The following SPATA13 variants were observed in gnomAD, a reference collection of about 807,000 sequenced individuals.
SPATA13 encodes the protein spermatogenesis associated 13, also known as spermatogenesis-associated protein 13.
Under a neutral mutation model 104.0 loss-of-function variants are expected in SPATA13, and 50 were observed. The ratio of observed to expected loss-of-function variants is 0.48; its 90% CI spans 0.38 to 0.61. The LOEUF is 0.61. Ranked by LOEUF, SPATA13 falls within the 20% of genes least tolerant of loss-of-function variation. The probability of loss-of-function intolerance (pLI) is 0.00; values close to 1 mark genes in which losing one functional copy is unlikely to be tolerated. For synonymous variants in SPATA13, 606 were observed against 667.5 expected, an observed-to-expected ratio of 0.91 and a Z score of 1.42; for missense variants, 1,524 against 1,690.6, an observed-to-expected ratio of 0.90 and a Z score of 1.73.
intron 3 of SPATA13, 189 bp from the exon 4 acceptor site, chr13:24,251,529 A>C: frequency 2.0e-6 from 2 of 985,438 alleles, no homozygotes; most frequent in Non-Finnish European, 2.4e-6. Context: ...TAAGCTGATC[A>C]GGATTGTTAA....
intron 1 of SPATA13, among the ~76,000 whole-genome samples, chr13:24,184,432 C>G (rs940802674): frequency 2.0e-5 from 3 of 152,214 alleles, no homozygotes; most frequent in Admixed American, 6.5e-5. Flanking sequence ...ATTTGGTCAC[C>G]AGCAGATACC....
At chr13:24,016,366 A>G (rs1876713620) in intron 2 of SPATA13, among the ~76,000 whole-genome samples, 1 of 152,120 alleles carries the variant, frequency 6.6e-6, no homozygotes, top group African/African-American at 2.4e-5. Context: ...TCCAGATGTG[A>G]CATCTTCCCA....
At chr13:24,281,343 A>G (rs1396624536) in intron 4 of SPATA13, among the ~76,000 whole-genome samples, 3 of 152,190 alleles carry the variant, frequency 2.0e-5, no homozygotes, top group Admixed American at 2.0e-4. Context: ...GGATGGGCCC[A>G]GGCAGGGGAG....
intron 2 of SPATA13, among the ~76,000 whole-genome samples, chr13:23,988,851 T>C (rs1875276857): frequency 6.6e-6 from 1 of 152,228 alleles, no homozygotes; most frequent in African/African-American, 2.4e-5. Flanking sequence ...CTCTTCTTTA[T>C]ATTGGCTGTT....
At chr13:23,990,387 C>A (rs992547704) in intron 2 of SPATA13, among the ~76,000 whole-genome samples, 3 of 152,126 alleles carry the variant, frequency 2.0e-5, no homozygotes, top group African/African-American at 7.2e-5. Flanking sequence ...CCCTCTGTTT[C>A]CTTGCTCATT....
chr13:24,000,584 C>A (rs189020812), intron 2 of SPATA13, among the ~76,000 whole-genome samples: 77 of 152,268 alleles, frequency 5.1e-4, no homozygotes, highest in African/African-American at 1.8e-3. Context: ...TAATGTGATC[C>A]AGTCTATGAA....
chr13:24,248,852 C>T lies in SPATA13; in HGVS notation c.1654-625C>T, dbSNP rs1873308209. Among the ~76,000 whole-genome samples, 3 of 151,640 alleles carry T rather than the reference C, an allele frequency of 2.0e-5. No individual in the cohort carries two copies. The South Asian group carries it at 6.2e-4, about 31-fold the overall frequency. On this transcript the variant is annotated intron_variant, in intron 2 of 12. Transcript: ENST00000382108. ...GGACACCTATGATAGTTATAAAGTT[C>T]ATTTTACTAATTCACGATGGTGCTG...
intron 2 of SPATA13, among the ~76,000 whole-genome samples, chr13:24,237,270 G>A (rs1195517335): frequency 6.6e-6 from 1 of 152,158 alleles, no homozygotes; most frequent in African/African-American, 2.4e-5. Flanking sequence ...GGCTGAGGCA[G>A]GAGAATCTCT....
chr13:24,256,103 G>A (rs1873775813), intron 4 of SPATA13, among the ~76,000 whole-genome samples: 1 of 152,140 alleles, frequency 6.6e-6, no homozygotes, highest in Admixed American at 6.5e-5. Flanking sequence ...ACTGATAATC[G>A]TGGGTTCATG....
chr13:24,284,745 G>T (rs1875799730), intron 5 of SPATA13, among the ~76,000 whole-genome samples: 2 of 152,202 alleles, frequency 1.3e-5, no homozygotes, highest in Admixed American at 1.3e-4. Context: ...GGTAGAGGCA[G>T]CTCGTCTTTT....
chr13:24,301,996 CT>C (rs2138780677), intron 12 of SPATA13, among the ~76,000 whole-genome samples: 1 of 152,278 alleles, frequency 6.6e-6, no homozygotes, highest in African/African-American at 2.4e-5. Flanking sequence ...GTAATCCCAG[CT>C]GATAAATGGC....
intron 2 of SPATA13, among the ~76,000 whole-genome samples, chr13:24,003,103 A>C (rs1276846964): frequency 6.6e-6 from 1 of 152,040 alleles, no homozygotes; most frequent in Admixed American, 6.5e-5. Context: ...TTTTATTCAA[A>C]ATCCCATCTG....
intron 4 of SPATA13, among the ~76,000 whole-genome samples, chr13:24,253,464 AT>A (rs67025379): frequency 0.26 from 39,959 of 152,042 alleles, 6,552 homozygotes; most frequent in African/African-American, 0.47. Context: ...TTCAGCGTTG[AT>A]TAACTAGAGG....
chr13:24,087,236 A>G (rs7328909), intron 3 of SPATA13, among the ~76,000 whole-genome samples: 15,422 of 152,150 alleles, frequency 0.1, 923 homozygotes, highest in Non-Finnish European at 0.14. Flanking sequence ...GTGAGGCCCC[A>G]AGACAAGGGG....
chr13:24,089,365 A>G (rs1258145540), intron 3 of SPATA13, among the ~76,000 whole-genome samples: 1 of 152,194 alleles, frequency 6.6e-6, no homozygotes, highest in South Asian at 2.1e-4. Flanking sequence ...GGCAAAAACA[A>G]AAAGGAGATA....
At chr13:24,055,696 G>A (rs1021914543) in intron 3 of SPATA13, among the ~76,000 whole-genome samples, 2 of 152,180 alleles carry the variant, frequency 1.3e-5, no homozygotes, top group African/African-American at 4.8e-5. Flanking sequence ...CTTTGGCTAA[G>A]CCACCCACTT....
At chr13:24,140,540 C>A (rs1033848) in intron 3 of SPATA13, among the ~76,000 whole-genome samples, 64,392 of 151,984 alleles carry the variant, frequency 0.42, 14,536 homozygotes, top group Admixed American at 0.55. Context: ...TGTTTGGATC[C>A]AAATTCAGCC....
At chr13:24,217,980 A>G (rs1401824947) in intron 1 of SPATA13, among the ~76,000 whole-genome samples, 3 of 152,234 alleles carry the variant, frequency 2.0e-5, no homozygotes, top group Non-Finnish European at 2.9e-5. Context: ...AGAGATAACA[A>G]TGGCTGGAGA....
intron 1 of SPATA13, among the ~76,000 whole-genome samples, chr13:24,179,244 A>G (rs750155232): frequency 6.6e-6 from 1 of 152,220 alleles, no homozygotes; most frequent in African/African-American, 2.4e-5. Flanking sequence ...ACATTTGTGT[A>G]CAAGTTTTTA....
Sources: gnomAD v4.1 joint callset for allele counts (sites outside exome capture counted in the v4.1 genomes callset) on GRCh38, gnomAD v4.1.1 for gene constraint, MANE v1.5 for transcripts, NCBI Gene and HGNC (gene_info 2026-07-23, HGNC 2026-07-21) for gene names.